The following PCDH11Y variants were observed in gnomAD, a reference collection of about 807,000 sequenced individuals.
PCDH11Y encodes the protein protocadherin 11 Y-linked, also known as protocadherin-11 Y-linked.
For missense variants in PCDH11Y, 12 were observed against 224.8 expected, an observed-to-expected ratio of 0.05 and a Z score of 6.05; for synonymous variants, 9 against 83.6, an observed-to-expected ratio of 0.11 and a Z score of 4.87.
intron 2 of PCDH11Y, among the ~76,000 whole-genome samples, chrY:5,120,433 T>G (rs2052816329): frequency 3.2e-5 from 1 of 30,963 alleles, no homozygotes; most frequent in Non-Finnish European, 7.8e-5. Flanking sequence ...AGATCAACAG[T>G]CTAGGTGATT....
At chrY:5,160,687 G>A (rs760071898) in intron 2 of PCDH11Y, among the ~76,000 whole-genome samples, 2,224 of 31,278 alleles carry the variant, frequency 0.071, no homozygotes, top group Non-Finnish European at 0.12. Context: ...CTTTTTCTAC[G>A]TCTATAGCTC....
At chrY:5,616,528 G>A in intron 4 of PCDH11Y, among the ~76,000 whole-genome samples, 2 of 33,226 alleles carry the variant, frequency 6.0e-5, no homozygotes, top group African/African-American at 2.4e-4. Flanking sequence ...GCCTAATCAA[G>A]AAAGGTCTTA....
intron 2 of PCDH11Y, among the ~76,000 whole-genome samples, chrY:5,122,086 C>G: frequency 3.0e-5 from 1 of 32,921 alleles, no homozygotes; most frequent in East Asian, 8.2e-4. Flanking sequence ...GTGGCCCAGA[C>G]CTTTATTCCT....
intron 2 of PCDH11Y, among the ~76,000 whole-genome samples, chrY:5,130,961 G>A: frequency 6.6e-5 from 2 of 30,307 alleles, no homozygotes; most frequent in African/African-American, 1.3e-4. Flanking sequence ...ATTCATGGGA[G>A]TATAAATTAG....
chrY:5,531,971 A>G, intron 3 of PCDH11Y, among the ~76,000 whole-genome samples: 1 of 26,328 alleles, frequency 3.8e-5, no homozygotes, highest in Non-Finnish European at 8.8e-5. Context: ...CTGTTCTTCA[A>G]GTTTCTTAAG....
chrY:5,395,037 G>A lies in PCDH11Y; in HGVS notation c.3130-106020G>A, dbSNP rs1602918733. Among the ~76,000 whole-genome samples, 5 of 32,536 alleles carry A rather than the reference G, an allele frequency of 1.5e-4. No individual in the cohort carries two copies. In the East Asian group the frequency reaches 2.4e-3, roughly 16 times the overall value. The allele number at this position is 32,536 out of a possible 37,273, so 87.3% of individuals were successfully genotyped here. A position where few individuals can be genotyped will look rare whatever the true frequency, so the allele number is the denominator to read the frequency against. ...CTCCAAGGACCTCACAGTCTTGTGCGGTGTACAAACTTACCTACATATAGG... is the reference window on the plus strand; with the variant it reads ...CTCCAAGGACCTCACAGTCTTGTGCAGTGTACAAACTTACCTACATATAGG... On this transcript the variant is annotated intron_variant, in intron 2 of 4. Transcript: ENST00000400457.
intron 2 of PCDH11Y, among the ~76,000 whole-genome samples, chrY:5,319,260 G>C: frequency 1.5e-4 from 5 of 33,322 alleles, no homozygotes; most frequent in African/African-American, 4.7e-4. Flanking sequence ...TAGTACTTCA[G>C]TGTTTAGGAC....
At chrY:5,366,085 C>T (rs1602912406) in intron 2 of PCDH11Y, among the ~76,000 whole-genome samples, 1 of 33,665 alleles carries the variant, frequency 3.0e-5, no homozygotes, top group Non-Finnish European at 7.4e-5. Flanking sequence ...ACATTGAAGA[C>T]GAAGCTCTTT....
chrY:5,143,534 C>T, intron 2 of PCDH11Y, among the ~76,000 whole-genome samples: 4 of 33,431 alleles, frequency 1.2e-4, no homozygotes. Context: ...TGTGAAATAA[C>T]ACTAATTAAA....
chrY:5,640,697 C>CAT, intron 4 of PCDH11Y, among the ~76,000 whole-genome samples: 1 of 33,187 alleles, frequency 3.0e-5, no homozygotes, highest in Non-Finnish European at 7.5e-5. Flanking sequence ...TTTGATGTTC[C>CAT]ATTTATAGAG....
chrY:5,670,699 G>C, intron 4 of PCDH11Y, among the ~76,000 whole-genome samples: 1 of 31,433 alleles, frequency 3.2e-5, no homozygotes. Context: ...TTGTCAGATG[G>C]GTAGGTTGCA....
rs573410638 is a variant in PCDH11Y, at chrY:5,426,716, G to A, written c.3130-74341G>A. Among the ~76,000 whole-genome samples the A allele has an allele frequency of 2.2e-3, 73 of 32,455 alleles. No homozygotes were observed. In the East Asian group the frequency reaches 0.045, roughly 20 times the overall value. 87.1% of individuals were successfully genotyped at this position (32,455 alleles called of 37,273 possible). A position where few individuals can be genotyped will look rare whatever the true frequency, so the allele number is the denominator to read the frequency against. On this transcript the variant is annotated intron_variant, in intron 2 of 4. Coordinates refer to the PCDH11Y transcript ENST00000400457. ...ATGTTAAAGTAAGAGATTGGTTCCC[G>A]TGGGAAAAAGGTTTTGACTAATGTA... is the stretch of plus-strand genomic sequence containing the variant.
chrY:5,341,445 G>T, intron 2 of PCDH11Y, among the ~76,000 whole-genome samples: 1 of 32,433 alleles, frequency 3.1e-5, no homozygotes, highest in Non-Finnish European at 7.5e-5. Flanking sequence ...ATCAATGTTG[G>T]GTTAGCAGTG....
At chrY:5,670,437 G>C (rs2124708193) in intron 4 of PCDH11Y, among the ~76,000 whole-genome samples, 1 of 33,107 alleles carries the variant, frequency 3.0e-5, no homozygotes, top group South Asian at 6.6e-4. Flanking sequence ...CAGTGTACTA[G>C]GGTTCCCTTT....
chrY:5,110,441 CA>C (rs2052801697), downstream of PCDH11Y, among the ~76,000 whole-genome samples: 1 of 32,086 alleles, frequency 3.1e-5, no homozygotes, highest in Non-Finnish European at 7.6e-5. Flanking sequence ...GATTCCATCT[CA>C]AAAAAATTTT....
At chrY:5,532,942 C>T in intron 3 of PCDH11Y, among the ~76,000 whole-genome samples, 1 of 27,905 alleles carries the variant, frequency 3.6e-5, no homozygotes, top group Non-Finnish European at 8.3e-5. Flanking sequence ...AGCAATTCTC[C>T]TGCCTCAGCC....
chrY:5,224,229 G>A, intron 2 of PCDH11Y, among the ~76,000 whole-genome samples: 1 of 22,754 alleles, frequency 4.4e-5, no homozygotes, highest in Non-Finnish European at 9.8e-5. Context: ...GGCTATACTA[G>A]ATGGAGAGAC....
At chrY:5,318,713 A>ATGTG (rs760151133) in intron 2 of PCDH11Y, among the ~76,000 whole-genome samples, 144 of 24,390 alleles carry the variant, frequency 5.9e-3, no homozygotes, top group Middle Eastern at 0.02. Flanking sequence ...AAAAAGTAAT[A>ATGTG]TGTGTGTGTG....
intron 3 of PCDH11Y, among the ~76,000 whole-genome samples, chrY:5,535,158 C>T: frequency 6.3e-5 from 2 of 31,850 alleles, no homozygotes; most frequent in Non-Finnish European, 7.6e-5. Flanking sequence ...ACTTATTAGA[C>T]AGTGATTTTA....
Sources: gnomAD v4.1 joint callset for allele counts (sites outside exome capture counted in the v4.1 genomes callset) on GRCh38, gnomAD v4.1.1 for gene constraint, MANE v1.5 for transcripts, NCBI Gene and HGNC (gene_info 2026-07-23, HGNC 2026-07-21) for gene names.